The following EME2 variants were observed in gnomAD, a reference collection of about 807,000 sequenced individuals.
EME2 encodes essential meiotic structure-specific endonuclease subunit 2.
Under a neutral mutation model 41.9 loss-of-function variants are expected in EME2, and 58 were observed. The observed-to-expected ratio is 1.38, with a 90% CI of 1.12 to 1.72. The LOEUF (loss-of-function observed/expected upper bound fraction) is 1.72, where lower values mean the gene tolerates loss of function less well. Among genes scored for constraint, EME2 ranks in the 40% most tolerant of loss-of-function variants. The probability of loss-of-function intolerance (pLI) is 0.00; values close to 1 mark genes in which losing one functional copy is unlikely to be tolerated. For missense variants in EME2, 695 were observed against 541.9 expected (o/e 1.28, Z -2.81); for synonymous variants, 334 against 239.3 (o/e 1.40, Z -3.65).
At position 1,778,305 on chromosome 16, in the gene EME2, C is replaced by G; in HGVS notation, c.*2067C>G. The G allele has an allele frequency of 6.2e-7, 1 of 1,612,388 alleles. No individual in the cohort carries two copies. On this transcript the variant is annotated 3_prime_UTR_variant, in exon 8 of 8. Transcript: ENST00000568449. ...TGGCTGATGACTTATTTAAGTCATC[C>G]CAGACCCAGTCGAAATCTGCAAGAG...
In EME2 at chr16:1,777,232, G is replaced by C; in HGVS notation, c.*994G>C. The stretch of plus-strand genomic sequence containing the variant: ...TCATGCTCAGGACCCAGCCCAGCTT[G>C]TTGTGTAGCACCTGCTTGAGGCCCG... On this transcript the variant is annotated 3_prime_UTR_variant, in exon 8 of 8. Transcript: ENST00000568449. 1 of 1,610,824 alleles carries C rather than the reference G, an allele frequency of 6.2e-7. No homozygotes were observed. Among genetic ancestry groups the C allele is most frequent in the South Asian group, 1.1e-5 (1 of 91,084 alleles).
At chr16:1,776,033 C>G (rs1450264009) in intron 7 of EME2, 35 bp from the exon 8 acceptor site, 4 of 1,605,138 alleles carry the variant, frequency 2.5e-6, no homozygotes, top group Non-Finnish European at 3.4e-6. Context: ...AAGCCCCGTC[C>G]CCAGGCGCCC....
rs564399817 is a variant in EME2, at chr16:1,778,789, G to A, written c.*2551G>A. ...CCCAGGCTCCCTCCCAACGGGCTCC[G>A]GCTCTGCCCCATTCTGCATGACCAG... is the stretch of plus-strand genomic sequence containing the variant. On this transcript the variant is annotated 3_prime_UTR_variant, in exon 8 of 8. Coordinates refer to ENST00000568449, the MANE Select transcript of EME2 (RefSeq NM_001257370.2). 448 of 625,128 alleles carry A rather than the reference G, an allele frequency of 7.2e-4. 4 individuals carry two copies. Among genetic ancestry groups the A allele is most frequent in the South Asian group, 4.5e-3 (164 of 36,346 alleles). 38.7% of individuals were successfully genotyped at this position (625,128 alleles called of 1,614,324 possible).
intron 3 of EME2, among the ~76,000 whole-genome samples, chr16:1,774,565 G>A (rs902127459): frequency 6.6e-6 from 1 of 152,256 alleles, no homozygotes; most frequent in African/African-American, 2.4e-5. Context: ...GCTCCTAGAG[G>A]ATCCTGAGAA....
Position 1,781,548 on chromosome 16 carries a change from C to T in EME2, c.*5310C>T, listed in dbSNP as rs1896713452. The T allele has an allele frequency of 6.4e-7, 1 of 1,571,560 alleles. No individual in the cohort carries two copies. The highest frequency in any genetic ancestry group is 1.4e-5 in the African/African-American group (1 of 73,670). On this transcript the variant is annotated 3_prime_UTR_variant, in exon 8 of 8. Transcript: ENST00000568449. The stretch of plus-strand genomic sequence containing the variant: ...AGGAAGACTCACAGCACTCCCAGCC[C>T]TGAGCTTCCAGGCTGGGCCACGGAC...
chr16:1,773,556 GC>G (rs1285016668), intron 1 of EME2, 82 bp downstream of exon 1: 1 of 1,517,798 alleles, frequency 6.6e-7, no homozygotes, highest in Non-Finnish European at 8.8e-7. Flanking sequence ...ACTGGGCGGG[GC>G]GCGCGTGCCG....
rs904013633 is a variant in EME2, at chr16:1,779,120, G to A, written c.*2882G>A. ...CTGCCCAGTGCCCACTACAGGCCCC[G>A]CCCCTCCTGGTGCAGGTTTCAGCTG... On this transcript the variant is annotated 3_prime_UTR_variant, in exon 8 of 8. Coordinates refer to ENST00000568449, the MANE Select transcript of EME2 (RefSeq NM_001257370.2). 12 of 154,110 alleles carry A rather than the reference G, an allele frequency of 7.8e-5. No homozygotes were observed. The highest frequency in any genetic ancestry group is 1.9e-4 in the East Asian group (1 of 5,230). The allele number at this position is 154,110 out of a possible 1,614,324, so 9.5% of individuals were successfully genotyped here. A position where few individuals can be genotyped will look rare whatever the true frequency, so the allele number is the denominator to read the frequency against.
At chr16:1,774,977 G>A (rs1596848489) in intron 3 of EME2, 64 bp from the exon 4 acceptor site, 2 of 1,279,624 alleles carry the variant, frequency 1.6e-6, no homozygotes, top group African/African-American at 1.5e-5. Context: ...GCTGTGGCCT[G>A]GTGGCCCATG....
rs758924270 is a variant in EME2, at chr16:1,777,157, G to A, written c.*919G>A. The A allele has an allele frequency of 7.3e-5, 118 of 1,611,306 alleles. No homozygotes were observed. Among genetic ancestry groups the A allele is most frequent in the Non-Finnish European group, 9.4e-5 (111 of 1,179,854 alleles). On this transcript the variant is annotated 3_prime_UTR_variant, in exon 8 of 8. Coordinates refer to ENST00000568449, the MANE Select transcript of EME2 (RefSeq NM_001257370.2). The stretch of plus-strand genomic sequence containing the variant: ...GAGGCTCGCGACTGCTGGGGTGGGC[G>A]GAGGTCGCTGCCTGGGGATCGGACA...
rs1253321493 is a variant in EME2, at chr16:1,781,188, C to T, written c.*4950C>T. The stretch of plus-strand genomic sequence containing the variant: ...TGTGTCCTTTGCCAAATTAAAGAGT[C>T]TTACTGAATGCGGTGCATCCAGGAG... On this transcript the variant is annotated 3_prime_UTR_variant, in exon 8 of 8. Transcript: ENST00000568449. 1.9e-6 allele frequency: 3 copies of T among 1,542,870 alleles called. No individual in the cohort carries two copies. The highest frequency in any genetic ancestry group is 2.6e-6 in the Non-Finnish European group (3 of 1,150,510).
Position 1,780,320 on chromosome 16 carries a change from G to A in EME2, c.*4082G>A, listed in dbSNP as rs1431215186. 2 of 152,312 alleles carry A rather than the reference G, an allele frequency of 1.3e-5. No individual in the cohort carries two copies. Among genetic ancestry groups the A allele is most frequent in the Non-Finnish European group, 2.9e-5 (2 of 68,148 alleles). 9.4% of individuals were successfully genotyped at this position (152,312 alleles called of 1,614,324 possible). ...GCCACACTCCTGCTCTGGTCCGAGG[G>A]AGATCTCAGGAAACCGACTGGGAAA... On this transcript the variant is annotated 3_prime_UTR_variant, in exon 8 of 8. Coordinates refer to ENST00000568449, the MANE Select transcript of EME2 (RefSeq NM_001257370.2).
At position 1,778,141 on chromosome 16, in the gene EME2, G is replaced by A. The variant is rs1363615185; in HGVS notation, c.*1903G>A. ...TGGGCCGAAGCAACTTACCATGTCG[G>A]TGCCGTAGACGGGAGAGGTCATCTT... On this transcript the variant is annotated 3_prime_UTR_variant, in exon 8 of 8. Transcript: ENST00000568449. The A allele has an allele frequency of 5.0e-6, 8 of 1,612,706 alleles. No individual in the cohort carries two copies. The highest frequency in any genetic ancestry group is 6.8e-6 in the Non-Finnish European group (8 of 1,179,664).
In EME2 at chr16:1,781,066, A is replaced by G; in HGVS notation, c.*4828A>G. 9.4e-7 allele frequency: 1 copy of G among 1,065,496 alleles called. No individual in the cohort carries two copies. The highest frequency in any genetic ancestry group is 1.3e-6 in the Non-Finnish European group (1 of 779,252). 66.0% of individuals were successfully genotyped at this position (1,065,496 alleles called of 1,614,324 possible). A position where few individuals can be genotyped will look rare whatever the true frequency, so the allele number is the denominator to read the frequency against. ...GAGAATTTCTGTTGAATGAACCAAA[A>G]GCAACTGCCAACCTCTCCATGCACC... On this transcript the variant is annotated 3_prime_UTR_variant, in exon 8 of 8. Coordinates refer to ENST00000568449, the MANE Select transcript of EME2 (RefSeq NM_001257370.2).
rs1264459818 is a variant in EME2 at position 1,780,039 on chromosome 16, C to CCCT, written c.*3804_*3806dup. ...CCTCACTCAGAGGAGAGGAGCCCACCCCTCCCAGGACACCTGGCTGAGCCG... is the reference window on the plus strand; with the variant it reads ...CCTCACTCAGAGGAGAGGAGCCCACCCCTCCTCCCAGGACACCTGGCTGAGCCG... On this transcript the variant is annotated 3_prime_UTR_variant, in exon 8 of 8. Coordinates refer to ENST00000568449, the MANE Select transcript of EME2 (RefSeq NM_001257370.2). 6.6e-6 allele frequency: 1 copy of CCCT among 152,318 alleles called. No homozygotes were observed. Among genetic ancestry groups the CCCT allele is most frequent in the Non-Finnish European group, 1.5e-5 (1 of 68,116 alleles). The allele number at this position is 152,318 out of a possible 1,614,324, so 9.4% of individuals were successfully genotyped here. A position where few individuals can be genotyped will look rare whatever the true frequency, so the allele number is the denominator to read the frequency against.
In EME2 at chr16:1,780,890, G is replaced by A. The variant is rs1049165464; in HGVS notation, c.*4652G>A. 6.3e-5 allele frequency: 21 copies of A among 331,474 alleles called. No individual in the cohort carries two copies. The highest frequency in any genetic ancestry group is 8.9e-5 in the Non-Finnish European group (15 of 168,922). The allele number at this position is 331,474 out of a possible 1,614,324, so 20.5% of individuals were successfully genotyped here. On this transcript the variant is annotated 3_prime_UTR_variant, in exon 8 of 8. Coordinates refer to ENST00000568449, the MANE Select transcript of EME2 (RefSeq NM_001257370.2). ...TGGGACTACAGGCACGTGCCACCAC[G>A]CCTGACACATTTTTTAAATTTTTGT...
Position 1,781,221 on chromosome 16 carries a change from C to G in EME2, c.*4983C>G. Reference sequence around the variant, plus strand: ...ATGCGGTGCATCCAGGAGACAGGCCCAGGTTTGGACTGGTCCTCTAGCCTC... The same window carrying G: ...ATGCGGTGCATCCAGGAGACAGGCCGAGGTTTGGACTGGTCCTCTAGCCTC... On this transcript the variant is annotated 3_prime_UTR_variant, in exon 8 of 8. Coordinates refer to ENST00000568449, the MANE Select transcript of EME2 (RefSeq NM_001257370.2). The G allele has an allele frequency of 6.3e-7, 1 of 1,580,642 alleles. No homozygotes were observed. The highest frequency in any genetic ancestry group is 8.5e-7 in the Non-Finnish European group (1 of 1,169,794).
intron 2 of EME2, 152 bp from the exon 3 acceptor site, chr16:1,774,108 A>G (rs2042673792): frequency 1.3e-6 from 1 of 771,608 alleles, no homozygotes; most frequent in East Asian, 2.6e-5. Flanking sequence ...TGGCCTTGGC[A>G]GGAAAGGGAA....
Position 1,780,296 on chromosome 16 carries a change from C to A in EME2, c.*4058C>A, listed in dbSNP as rs1256618468. The A allele has an allele frequency of 1.3e-5, 2 of 152,354 alleles. No homozygotes were observed. The highest frequency in any genetic ancestry group is 3.9e-4 in the East Asian group (2 of 5,188). The allele number at this position is 152,354 out of a possible 1,614,324, so 9.4% of individuals were successfully genotyped here. A position where few individuals can be genotyped will look rare whatever the true frequency, so the allele number is the denominator to read the frequency against. ...CTGGAAGTGGGGCAGGGAGGCGCAGCCACACTCCTGCTCTGGTCCGAGGGA... is the reference window on the plus strand; with the variant it reads ...CTGGAAGTGGGGCAGGGAGGCGCAGACACACTCCTGCTCTGGTCCGAGGGA... On this transcript the variant is annotated 3_prime_UTR_variant, in exon 8 of 8. Transcript: ENST00000568449.
In EME2 at chr16:1,779,665, C is replaced by G. The variant is rs1477375675; in HGVS notation, c.*3427C>G. Reference sequence around the variant, plus strand: ...GGAGCCCGGGCACAGAACTGAGCACCTGCACTGCAGGCCCAGGGCCGGGTT... The same window carrying G: ...GGAGCCCGGGCACAGAACTGAGCACGTGCACTGCAGGCCCAGGGCCGGGTT... On this transcript the variant is annotated 3_prime_UTR_variant, in exon 8 of 8. Coordinates refer to ENST00000568449, the MANE Select transcript of EME2 (RefSeq NM_001257370.2). 1 of 152,428 alleles carries G rather than the reference C, an allele frequency of 6.6e-6. No individual in the cohort carries two copies. The highest frequency in any genetic ancestry group is 1.5e-5 in the Non-Finnish European group (1 of 68,198). 9.4% of individuals were successfully genotyped at this position (152,428 alleles called of 1,614,324 possible).
Sources: gnomAD v4.1 joint callset for allele counts (sites outside exome capture counted in the v4.1 genomes callset) on GRCh38, gnomAD v4.1.1 for gene constraint, MANE v1.5 for transcripts, NCBI Gene and HGNC (gene_info 2026-07-23, HGNC 2026-07-21) for gene names.